SEC23A: variants seen among roughly 807,000 people sequenced by gnomAD.
SEC23A encodes SEC23 homolog A, COPII component.
A neutral mutation model predicts 103.7 loss-of-function variants in SEC23A; 56 were observed. That is an observed-to-expected ratio of 0.54 (90% CI 0.44 to 0.67). The LOEUF is 0.67. Ranked by LOEUF, SEC23A falls within the 30% of genes least tolerant of loss-of-function variation. SEC23A has a pLI of 0.00. For synonymous variants in SEC23A, 281 were observed against 293.0 expected (o/e 0.96, Z 0.42); for missense variants, 784 against 936.4 (o/e 0.84, Z 2.12).
chr14:39,085,724 A>T, intron 7 of SEC23A, 38 bp downstream of exon 7: 1 of 1,581,014 alleles, frequency 6.3e-7, no homozygotes, highest in Non-Finnish European at 8.7e-7. Flanking sequence ...ACACACACAC[A>T]CACACTTTAC....
At chr14:39,045,843 T>C (rs1048390013) in intron 15 of SEC23A, among the ~76,000 whole-genome samples, 2 of 152,220 alleles carry the variant, frequency 1.3e-5, no homozygotes, top group African/African-American at 4.8e-5. Context: ...CCAAAGATTC[T>C]AAGAACATAT....
chr14:39,100,102 G>C (rs965352606), intron 1 of SEC23A, among the ~76,000 whole-genome samples: 3 of 152,046 alleles, frequency 2.0e-5, no homozygotes, highest in African/African-American at 7.2e-5. Context: ...AGTGATATCT[G>C]GGCACAACTC....
chr14:39,079,861 T>C (rs754369150), intron 7 of SEC23A, among the ~76,000 whole-genome samples: 15 of 152,070 alleles, frequency 9.9e-5, no homozygotes, highest in Non-Finnish European at 7.4e-5. Context: ...TAAAATCATA[T>C]GGTTAACAAA....
chr14:39,048,119 A>G (rs1371599445), intron 15 of SEC23A, among the ~76,000 whole-genome samples: 1 of 152,218 alleles, frequency 6.6e-6, no homozygotes, highest in Admixed American at 6.6e-5. Context: ...GCAGGGTTCC[A>G]GAATAAGTCT....
At position 39,083,563 on chromosome 14, in the gene SEC23A, C is replaced by CTTTTTTT. The variant is rs71130810; in HGVS notation, c.828+2192_828+2198dup. Reference sequence around the variant, plus strand: ...CCTCAGCCTTGGCAAAATAAACTTTCTTTTTTTTTTTTTTTTTGAGATGGA... The same window carrying CTTTTTTT: ...CCTCAGCCTTGGCAAAATAAACTTTCTTTTTTTTTTTTTTTTTTTTTTTTGAGATGGA... On this transcript the variant is annotated intron_variant, in intron 7 of 19. Transcript: ENST00000307712. Among the ~76,000 whole-genome samples, 24 of 91,816 alleles carry CTTTTTTT rather than the reference C, an allele frequency of 2.6e-4. 5 individuals carry two copies. Among genetic ancestry groups the CTTTTTTT allele is most frequent in the East Asian group, 8.5e-4 (2 of 2,350 alleles). The allele number at this position is 91,816 out of a possible 152,430, so 60.2% of individuals were successfully genotyped here. A position where few individuals can be genotyped will look rare whatever the true frequency, so the allele number is the denominator to read the frequency against.
At chr14:39,092,911 TGG>T in intron 3 of SEC23A, 1 of 489,198 alleles carries the variant, frequency 2.0e-6, no homozygotes, top group South Asian at 2.3e-5. Flanking sequence ...TTGCCCAGGC[TGG>T]AGTAGAGTGG....
rs1314214833 is a variant in SEC23A, at chr14:39,091,644, C to A, written c.436G>T (p.Ala146Ser). Residue 146 changes from alanine to serine, a missense_variant, in exon 5 of 20, where the codon GCC becomes TCC. By Grantham distance (99) the Ala-to-Ser change is moderately conservative. This residue lies in a region of SEC23A where 683 missense variants were observed against 774.2 expected (regional missense o/e 0.88). Coordinates refer to ENST00000307712, the MANE Select transcript of SEC23A (RefSeq NM_006364.4). ...GACATCTGCATGGATTCTTTCAGGG[C>A]TTGTAAATCTTCATCTTCCATGCAA... ...DTCMEDEDLQ[A>S]LKESMQMSLS... The A allele has an allele frequency of 1.2e-6, 2 of 1,613,970 alleles. No individual in the cohort carries two copies. The highest frequency in any genetic ancestry group is 2.2e-5 in the East Asian group (1 of 44,830).
chr14:39,049,271 T>A (rs1439975259), intron 14 of SEC23A, among the ~76,000 whole-genome samples: 1 of 149,720 alleles, frequency 6.7e-6, no homozygotes, highest in African/African-American at 2.5e-5. Context: ...AGGTCAGGAG[T>A]TCGAGACCAG....
chr14:39,064,248 T>C lies in SEC23A; in HGVS notation c.1308+665A>G, dbSNP rs17108794. On this transcript the variant is annotated intron_variant, in intron 11 of 19. Transcript: ENST00000307712. ...ATTAATTTTTTAGCTTTGTCATTTT[T>C]AAAGTTGATTACCCACTTTGTATTA... is the stretch of plus-strand genomic sequence containing the variant. 5.2e-3 allele frequency among the ~76,000 whole-genome samples: 791 copies of C among 152,292 alleles called. 10 individuals carry two copies. The highest frequency in any genetic ancestry group is 0.018 in the African/African-American group (760 of 41,576).
Position 39,076,083 on chromosome 14 carries a change from G to C in SEC23A, c.839C>G (p.Pro280Arg). ...IAVGLLECTF[P>R]NTGARIMMFI... ...CATCATGATACGAGCACCAGTGTTG[G>C]GAAAAGTACACTATTAAAAAAAAAG... is the stretch of plus-strand genomic sequence containing the variant. Residue 280 changes from proline (P) to arginine (R), a missense_variant, in exon 8 of 20, where the codon CCC becomes CGC. Around this residue, in one of 2 missense-constraint regions of SEC23A, gnomAD observed 683 missense variants for 774.2 expected, o/e 0.88. Transcript: ENST00000307712. The C allele has an allele frequency of 6.2e-7, 1 of 1,610,608 alleles. No individual in the cohort carries two copies. The highest frequency in any genetic ancestry group is 1.1e-5 in the South Asian group (1 of 90,732).
chr14:39,100,438 G>C (rs1257573060), intron 1 of SEC23A, among the ~76,000 whole-genome samples: 1 of 150,018 alleles, frequency 6.7e-6, no homozygotes, highest in East Asian at 1.9e-4. Context: ...TTTTGAGACG[G>C]AGTTTCGCTC....
intron 18 of SEC23A, 114 bp downstream of exon 18, chr14:39,040,618 C>G: frequency 2.2e-6 from 3 of 1,339,920 alleles, no homozygotes; most frequent in Non-Finnish European, 3.2e-6. Context: ...CCACCTATCT[C>G]CTTACCTTTC....
chr14:39,098,485 A>G (rs1887969473), intron 1 of SEC23A, among the ~76,000 whole-genome samples: 2 of 152,226 alleles, frequency 1.3e-5, no homozygotes, highest in South Asian at 4.1e-4. Context: ...AAAATAAAAA[A>G]AATTTTAAGG....
intron 15 of SEC23A, among the ~76,000 whole-genome samples, chr14:39,047,199 A>T (rs904575775): frequency 1.3e-5 from 2 of 152,244 alleles, no homozygotes; most frequent in Non-Finnish European, 2.9e-5. Context: ...AGGAAGAAAG[A>T]TGGAAATGTC....
In SEC23A at chr14:39,033,218, G is replaced by T. The variant is rs183135043; in HGVS notation, c.*21C>A. ...TGAATATTATTTCATCTTCTTAAGT[G>T]TCTTTAACATTATTAGCACTTCAAG... On this transcript the variant is annotated 3_prime_UTR_variant, in exon 20 of 20. Coordinates refer to ENST00000307712, the MANE Select transcript of SEC23A (RefSeq NM_006364.4). 2.8e-4 allele frequency: 424 copies of T among 1,523,408 alleles called. 1 individual carries two copies. In the African/African-American group the frequency reaches 4.7e-3, roughly 17 times the overall value. The allele number at this position is 1,523,408 out of a possible 1,614,324, so 94.4% of individuals were successfully genotyped here.
intron 1 of SEC23A, among the ~76,000 whole-genome samples, chr14:39,098,268 C>T (rs1020326883): frequency 1.3e-5 from 2 of 151,880 alleles, no homozygotes; most frequent in African/African-American, 4.8e-5. Flanking sequence ...GAAAAAACAA[C>T]CAGGACGTGG....
chr14:39,033,163 A>G lies in SEC23A; in HGVS notation c.*76T>C. 1 of 1,100,054 alleles carries G rather than the reference A, an allele frequency of 9.1e-7. No homozygotes were observed. The highest frequency in any genetic ancestry group is 1.4e-6 in the Non-Finnish European group (1 of 712,554). The allele number at this position is 1,100,054 out of a possible 1,614,324, so 68.1% of individuals were successfully genotyped here. A position where few individuals can be genotyped will look rare whatever the true frequency, so the allele number is the denominator to read the frequency against. On this transcript the variant is annotated 3_prime_UTR_variant, in exon 20 of 20. Coordinates refer to ENST00000307712, the MANE Select transcript of SEC23A (RefSeq NM_006364.4). ...TAGAGCAATATCTGTTGGTTTCCAC[A>G]GATAAATGGAAAAAGGAAAAAATGA... is the stretch of plus-strand genomic sequence containing the variant.
chr14:39,056,322 G>A (rs1041713996), intron 13 of SEC23A, among the ~76,000 whole-genome samples: 1 of 152,122 alleles, frequency 6.6e-6, no homozygotes, highest in Admixed American at 6.6e-5. Flanking sequence ...TAGTAGAGAG[G>A]GGGTTTCACC....
intron 15 of SEC23A, among the ~76,000 whole-genome samples, chr14:39,045,786 CGT>C (rs1885810557): frequency 6.6e-6 from 1 of 152,176 alleles, no homozygotes; most frequent in Non-Finnish European, 1.5e-5. Flanking sequence ...AATCTTCACA[CGT>C]CTGACCATAT....
Sources: gnomAD v4.1 joint callset for allele counts (sites outside exome capture counted in the v4.1 genomes callset) on GRCh38, gnomAD v4.1.1 for gene constraint, gnomAD v4.1.1 regional missense constraint, MANE v1.5 for transcripts, NCBI Gene and HGNC (gene_info 2026-07-23, HGNC 2026-07-21) for gene names.